NEFM: variants seen among roughly 807,000 people sequenced by gnomAD.
The protein encoded by NEFM is neurofilament medium chain, also known as neurofilament medium polypeptide.
A neutral mutation model predicts 48.1 loss-of-function variants in NEFM; 16 were observed. The observed-to-expected ratio is 0.33, with a 90% CI of 0.23 to 0.51. The LOEUF is 0.51. Among genes scored for constraint, NEFM ranks in the 20% least tolerant of loss-of-function variants. NEFM has a pLI of 0.98. For synonymous variants in NEFM, 465 were observed against 456.9 expected (o/e 1.02, Z -0.23); for missense variants, 1,107 against 1,136.0 (o/e 0.97, Z 0.37).
rs768479378 is a variant in NEFM at position 24,914,716 on chromosome 8, A to T, written c.923A>T (p.Glu308Val). The T allele has an allele frequency of 2.5e-6, 4 of 1,613,960 alleles. No individual in the cohort carries two copies. Among genetic ancestry groups the T allele is most frequent in the Non-Finnish European group, 3.4e-6 (4 of 1,179,986 alleles). Residue 308 changes from glutamate to valine, a missense_variant, in exon 1 of 3, where the codon GAG becomes GTG. Glu to Val is a moderately radical substitution (Grantham distance 121, BLOSUM62 -2). Coordinates refer to ENST00000221166, the MANE Select transcript of NEFM (RefSeq NM_005382.2). ...KLTEAAEQNK[E>V]AIRSAKEEIA... Reference sequence around the variant, plus strand: ...ACCGAGGCGGCCGAGCAGAACAAGGAGGCCATCCGCTCCGCCAAGGAAGAG... The same window carrying T: ...ACCGAGGCGGCCGAGCAGAACAAGGTGGCCATCCGCTCCGCCAAGGAAGAG...
In NEFM at chr8:24,914,613, C is replaced by T; in HGVS notation, c.820C>T (p.Arg274Cys). Reference sequence around the variant, plus strand: ...CATCTCGACGGCGCTGAAGGAAATCCGCTCCCAGCTCGAAAGCCACTCAGA... The same window carrying T: ...CATCTCGACGGCGCTGAAGGAAATCTGCTCCCAGCTCGAAAGCCACTCAGA... ...TDISTALKEI[R>C]SQLESHSDQN... The change falls in exon 1 of 3, where the codon CGC (arginine) becomes TGC (cysteine). Residue 274 changes from arginine to cysteine, a missense_variant. By Grantham distance (180) the Arg-to-Cys change is radical. This residue lies in a region of NEFM where 917 missense variants were observed against 916.4 expected (regional missense o/e 1.00). Transcript: ENST00000221166. 6.2e-7 allele frequency: 1 copy of T among 1,614,190 alleles called. No homozygotes were observed.
chr8:24,915,017 T>G, intron 1 of NEFM, 144 bp downstream of exon 1: 5 of 1,396,646 alleles, frequency 3.6e-6, no homozygotes, highest in Non-Finnish European at 4.6e-6. Context: ...CTAGGGTATT[T>G]GCGGATCAGC....
Position 24,918,634 on chromosome 8 carries a change from C to T in NEFM, c.*28C>T. On this transcript the variant is annotated 3_prime_UTR_variant, in exon 3 of 3. Transcript: ENST00000221166. Reference sequence around the variant, plus strand: ...TTTGAGTCCATTGCAAAAGGTTAAGCCATATGACAATTTCAAAATGCATGT... The same window carrying T: ...TTTGAGTCCATTGCAAAAGGTTAAGTCATATGACAATTTCAAAATGCATGT... 1.3e-6 allele frequency: 2 copies of T among 1,516,780 alleles called. No individual in the cohort carries two copies. The highest frequency in any genetic ancestry group is 2.2e-5 in the South Asian group (2 of 89,130). 94.0% of individuals were successfully genotyped at this position (1,516,780 alleles called of 1,614,324 possible). A position where few individuals can be genotyped will look rare whatever the true frequency, so the allele number is the denominator to read the frequency against.
chr8:24,915,210 A>G (rs1431530534), intron 1 of NEFM: 17 of 1,287,854 alleles, frequency 1.3e-5, no homozygotes, highest in Non-Finnish European at 1.6e-5. Flanking sequence ...CTTATGCAGA[A>G]ACGCGTGTAT....
chr8:24,914,129 T>C lies in NEFM; in HGVS notation c.336T>C (p.Phe112=), dbSNP rs2117219281. The change falls in exon 1 of 3, where the codon TTT becomes TTC. Residue 112 remains phenylalanine, a synonymous_variant. Coordinates refer to ENST00000221166, the MANE Select transcript of NEFM (RefSeq NM_005382.2). ...KEQLQGLNDR[F]AGYIEKVHYL... ...AGCTGCAGGGGCTGAACGACCGCTT[T>C]GCCGGCTACATAGAGAAGGTGCACT... 1 of 1,613,074 alleles carries C rather than the reference T, an allele frequency of 6.2e-7. No homozygotes were observed. The highest frequency in any genetic ancestry group is 8.5e-7 in the Non-Finnish European group (1 of 1,179,902).
rs764924154 is a variant in NEFM, at chr8:24,915,569, G to T, written c.1081-36G>T. 6 of 1,613,256 alleles carry T rather than the reference G, an allele frequency of 3.7e-6. No homozygotes were observed. The African/African-American group carries it at 8.0e-5, about 22-fold the overall frequency. On this transcript the variant is annotated intron_variant, in intron 1 of 2. Transcript: ENST00000221166. The stretch of plus-strand genomic sequence containing the variant: ...TTGCGAAGGAAGTTGCTGTTTGCAA[G>T]GATGAGTCTGGGGAGATTCTCTGTG...
rs1281370672 is a variant in NEFM at position 24,914,535 on chromosome 8, C to A, written c.742C>A (p.Gln248Lys). Residue 248 changes from glutamine (Q) to lysine (K), a missense_variant, in exon 1 of 3, where the codon CAG becomes AAG. Physicochemically the swap from Gln to Lys is moderately conservative, Grantham distance 53. Transcript: ENST00000221166. ...GGAGGAGGTGGCCGACCTTCTGGCC[C>A]AGATCCAGGCATCGCACATCACGGT... ...HEEEVADLLA[Q>K]IQASHITVER... 3 of 1,614,120 alleles carry A rather than the reference C, an allele frequency of 1.9e-6. No homozygotes were observed. In the South Asian group the frequency reaches 3.3e-5, roughly 18 times the overall value.
At chr8:24,915,532 G>A in intron 1 of NEFM, 73 bp from the exon 2 acceptor site, 23 of 1,606,724 alleles carry the variant, frequency 1.4e-5, no homozygotes, top group Non-Finnish European at 1.8e-5. Flanking sequence ...GGGGGAAGGG[G>A]TAGCAAGTGG....
chr8:24,915,927 A>G (rs1802566929), intron 2 of NEFM, among the ~76,000 whole-genome samples, 198 bp downstream of exon 2: 1 of 152,248 alleles, frequency 6.6e-6, no homozygotes. Flanking sequence ...CTTTAAAAGA[A>G]TGAATACTAG....
rs1241880083 is a variant in NEFM at position 24,914,881 on chromosome 8, C to A, written c.1080+8C>A. The A allele has an allele frequency of 6.3e-7, 1 of 1,580,410 alleles. No homozygotes were observed. Among genetic ancestry groups the A allele is most frequent in the Admixed American group, 1.8e-5 (1 of 55,442 alleles). ...GACCTCAGCAGCTACCAGGTAGGAA[C>A]CGCGGCTGCGCGGCCAGCCTGCGCC... On this transcript the variant is annotated splice_region_variant and intron_variant, in intron 1 of 2. Coordinates refer to ENST00000221166, the MANE Select transcript of NEFM (RefSeq NM_005382.2).
rs200024394 is a variant in NEFM, at chr8:24,915,672, A to G, written c.1148A>G (p.Glu383Gly). 5.5e-5 allele frequency: 89 copies of G among 1,613,948 alleles called. No individual in the cohort carries two copies. The highest frequency in any genetic ancestry group is 5.4e-5 in the Non-Finnish European group (64 of 1,180,014). Residue 383 changes from glutamate (E) to glycine (G), a missense_variant, in exon 2 of 3, where the codon GAA (glutamate) becomes GGA (glycine). By Grantham distance (98) the Glu-to-Gly change is moderately conservative (BLOSUM62 -2). Transcript: ENST00000221166. ...TGGGAAATGGCTCGTCATTTGCGCG[A>G]ATACCAGGACCTCCTCAACGTCAAG... ...TKWEMARHLR[E>G]YQDLLNVKMA...
rs766085032 is a variant in NEFM, at chr8:24,913,940, C to G, written c.147C>G (p.Ser49=). The G allele has an allele frequency of 1.9e-6, 3 of 1,611,480 alleles. No individual in the cohort carries two copies. Among genetic ancestry groups the G allele is most frequent in the Non-Finnish European group, 2.5e-6 (3 of 1,179,444 alleles). ...CCCGCGGCTCGCCCAGCACCGTGTC[C>G]TCCTCCTATAAGCGCAGCATGCTCG... The part of the protein sequence containing the change: ...SWSRGSPSTV[S]SSYKRSMLAP... The change falls in exon 1 of 3, where the codon TCC becomes TCG. Residue 49 remains serine (S), a synonymous_variant. Coordinates refer to ENST00000221166, the MANE Select transcript of NEFM (RefSeq NM_005382.2).
chr8:24,916,454 A>G (rs1802574328), intron 2 of NEFM, among the ~76,000 whole-genome samples: 1 of 152,240 alleles, frequency 6.6e-6, no homozygotes, highest in Non-Finnish European at 1.5e-5. Flanking sequence ...ATCGTTGATT[A>G]AAATTTTTCT....
Position 24,914,578 on chromosome 8 carries a change from T to C in NEFM, c.785T>C (p.Leu262Pro). Residue 262 changes from leucine (L) to proline (P), a missense_variant, in exon 1 of 3, where the codon CTG becomes CCG. Transcript: ENST00000221166. The stretch of plus-strand genomic sequence containing the variant: ...ATCACGGTGGAGCGCAAAGACTACC[T>C]GAAGACAGACATCTCGACGGCGCTG... The part of the protein sequence containing the change: ...SHITVERKDY[L>P]KTDISTALKE... 1.9e-6 allele frequency: 3 copies of C among 1,613,990 alleles called. No homozygotes were observed. The highest frequency in any genetic ancestry group is 2.2e-5 in the South Asian group (2 of 91,076).
In NEFM at chr8:24,917,407, C is replaced by A. The variant is rs766132180; in HGVS notation, c.1552C>A (p.Pro518Thr). The A allele has an allele frequency of 6.4e-7, 1 of 1,564,578 alleles. No homozygotes were observed. Among genetic ancestry groups the A allele is most frequent in the African/African-American group, 1.4e-5 (1 of 73,108 alleles). ...AAAGTCTCCAGTGAAAGCAACTGCACCTGAAGTTAAAGAAGAGGAAGGGGA... is the reference window on the plus strand; with the variant it reads ...AAAGTCTCCAGTGAAAGCAACTGCAACTGAAGTTAAAGAAGAGGAAGGGGA... ...AKKSPVKATAPEVKEEEGEKE... is the reference protein window; with the variant it reads ...AKKSPVKATATEVKEEEGEKE... Residue 518 changes from proline to threonine, a missense_variant, in exon 3 of 3, where the codon CCT becomes ACT. Transcript: ENST00000221166.
Position 24,918,775 on chromosome 8 carries a change from T to TG in NEFM, c.*174dup. The TG allele has an allele frequency of 1.5e-6, 1 of 650,516 alleles. No individual in the cohort carries two copies. Among genetic ancestry groups the TG allele is most frequent in the East Asian group, 2.7e-5 (1 of 36,936 alleles). 40.3% of individuals were successfully genotyped at this position (650,516 alleles called of 1,614,324 possible). A position where few individuals can be genotyped will look rare whatever the true frequency, so the allele number is the denominator to read the frequency against. The stretch of plus-strand genomic sequence containing the variant: ...CTCAGGGTGCTCCCTCCTCAGTCTT[T>TG]GGGGGATTCAAATGCATGATATTGT... On this transcript the variant is annotated 3_prime_UTR_variant, in exon 3 of 3. Transcript: ENST00000221166.
In NEFM at chr8:24,917,515, G is replaced by A. The variant is rs1181440402; in HGVS notation, c.1660G>A (p.Glu554Lys). ...AGACCAAGCCGAAGAGGGAGGATCC[G>A]AGAAGGAAGGCTCTAGTGAAAAAGA... ...KSDQAEEGGS[E>K]KEGSSEKEEG... Residue 554 changes from glutamate to lysine, a missense_variant, in exon 3 of 3, where the codon GAG (glutamate) becomes AAG (lysine). By Grantham distance (56) the Glu-to-Lys change is moderately conservative (BLOSUM62 1). Coordinates refer to ENST00000221166, the MANE Select transcript of NEFM (RefSeq NM_005382.2). 1.0e-5 allele frequency: 16 copies of A among 1,555,586 alleles called. No individual in the cohort carries two copies. Among genetic ancestry groups the A allele is most frequent in the Admixed American group, 3.9e-5 (2 of 51,162 alleles).
Position 24,914,796 on chromosome 8 carries a change from C to G in NEFM, c.1003C>G (p.Arg335Gly). 1 of 1,606,786 alleles carries G rather than the reference C, an allele frequency of 6.2e-7. No homozygotes were observed. The highest frequency in any genetic ancestry group is 8.5e-7 in the Non-Finnish European group (1 of 1,177,146). The change falls in exon 1 of 3, where the codon CGC becomes GGC. Residue 335 changes from arginine (R) to glycine (G), a missense_variant. Arg to Gly is a moderately radical substitution (Grantham distance 125). This residue lies in a region of NEFM where 917 missense variants were observed against 916.4 expected (regional missense o/e 1.00). Coordinates refer to ENST00000221166, the MANE Select transcript of NEFM (RefSeq NM_005382.2). ...CAAGAGCATCGAGCTAGAGTCGGTG[C>G]GCGGCACCAAGGAGTCCCTGGAGCG... ...QSKSIELESV[R>G]GTKESLERQL...
In NEFM at chr8:24,914,292, G is replaced by A. The variant is rs1802538321; in HGVS notation, c.499G>A (p.Glu167Lys). 2 of 1,613,012 alleles carry A rather than the reference G, an allele frequency of 1.2e-6. No individual in the cohort carries two copies. Among genetic ancestry groups the A allele is most frequent in the African/African-American group, 1.3e-5 (1 of 74,940 alleles). Reference sequence around the variant, plus strand: ...CGCCACCCTGGAGATGGTGAACCACGAGAAGGCTCAGGTGCAGCTGGACTC... The same window carrying A: ...CGCCACCCTGGAGATGGTGAACCACAAGAAGGCTCAGGTGCAGCTGGACTC... ...LRATLEMVNH[E>K]KAQVQLDSDH... The change falls in exon 1 of 3, where the codon GAG becomes AAG. Residue 167 changes from glutamate (E) to lysine (K), a missense_variant. Glu to Lys is a moderately conservative substitution (Grantham distance 56, BLOSUM62 1). Coordinates refer to ENST00000221166, the MANE Select transcript of NEFM (RefSeq NM_005382.2).
Sources: gnomAD v4.1 joint callset for allele counts (sites outside exome capture counted in the v4.1 genomes callset) on GRCh38, gnomAD v4.1.1 for gene constraint, gnomAD v4.1.1 regional missense constraint, MANE v1.5 for transcripts, NCBI Gene and HGNC (gene_info 2026-07-23, HGNC 2026-07-21) for gene names.